Variants in SLC26A8 observed in about 807,000 individuals in gnomAD.
SLC26A8 encodes the protein solute carrier family 26 member 8, also known as testis anion transporter 1.
SLC26A8 carries 70 observed loss-of-function variants against 105.0 expected under a neutral mutation model. That is an observed-to-expected ratio of 0.67 (90% CI 0.55 to 0.81). The LOEUF is 0.81. SLC26A8 is among the 40% of genes least tolerant of loss of function. The pLI, the probability that SLC26A8 is intolerant of heterozygous loss-of-function variation, is 0.00. For missense variants in SLC26A8, 998 were observed against 1,181.8 expected, an observed-to-expected ratio of 0.84 and a Z score of 2.28; for synonymous variants, 415 against 438.3, an observed-to-expected ratio of 0.95 and a Z score of 0.66.
At chr6:35,990,270 G>A (rs976084890) in intron 7 of SLC26A8, 2 of 263,048 alleles carry the variant, frequency 7.6e-6, no homozygotes, top group South Asian at 8.5e-5. Context: ...AACCTGTACT[G>A]TTGGATACAT....
Position 35,991,746 on chromosome 6 carries a change from T to A in SLC26A8, c.855A>T (p.Leu285=). Residue 285 remains leucine (L), a synonymous_variant, in exon 7 of 20, where the codon CTA becomes CTT. Transcript: ENST00000490799. ...TGATTCGCAGAGCAACAACAACAGT[T>A]AGAAATACTAGAATGCTGGTGGAAT... The part of the protein sequence containing the change: ...KANSTSILVF[L]TVVVALRINK... 6.2e-7 allele frequency: 1 copy of A among 1,607,676 alleles called. No homozygotes were observed. Among genetic ancestry groups the A allele is most frequent in the Non-Finnish European group, 8.5e-7 (1 of 1,177,804 alleles).
chr6:35,979,901 A>G lies in SLC26A8; in HGVS notation c.1025+2220T>C, dbSNP rs142564413. On this transcript the variant is annotated intron_variant, in intron 8 of 19. Transcript: ENST00000490799. Reference sequence around the variant, plus strand: ...GCAACGCTTAAAATTAGACTTCTGAAATGCTCATTTGTCCATCTGTAACTT... The same window carrying G: ...GCAACGCTTAAAATTAGACTTCTGAGATGCTCATTTGTCCATCTGTAACTT... 1.5e-3 allele frequency among the ~76,000 whole-genome samples: 226 copies of G among 152,358 alleles called. 4 individuals are homozygous for G. The South Asian group carries it at 0.025, about 17-fold the overall frequency.
intron 5 of SLC26A8, among the ~76,000 whole-genome samples, chr6:35,994,577 C>CTTTT (rs35718010): frequency 1.5e-5 from 2 of 132,014 alleles, no homozygotes; most frequent in African/African-American, 2.9e-5. Context: ...TGCATCATCT[C>CTTTT]TTTTTTTTTT....
chr6:35,957,825 C>T (rs146016245), intron 16 of SLC26A8, among the ~76,000 whole-genome samples: 5 of 152,176 alleles, frequency 3.3e-5, no homozygotes, highest in East Asian at 1.9e-4. Context: ...AGGCTAGTTT[C>T]GAACTCCTGA....
rs148822218 is a variant in SLC26A8, at chr6:36,012,756, G to A, written c.189-384C>T. 7.6e-4 allele frequency among the ~76,000 whole-genome samples: 116 copies of A among 152,296 alleles called. 1 individual carries two copies. The highest frequency in any genetic ancestry group is 4.2e-3 in the East Asian group (22 of 5,188). On this transcript the variant is annotated intron_variant, in intron 2 of 19. Coordinates refer to ENST00000490799, the MANE Select transcript of SLC26A8 (RefSeq NM_052961.4). ...ACGTCCAGCATGTAATCAGTTCTGTGTTTTCACAGGATATTTGGGAAGAAT... is the reference window on the plus strand; with the variant it reads ...ACGTCCAGCATGTAATCAGTTCTGTATTTTCACAGGATATTTGGGAAGAAT...
At chr6:35,987,705 A>G (rs555903596) in intron 7 of SLC26A8, among the ~76,000 whole-genome samples, 2 of 151,890 alleles carry the variant, frequency 1.3e-5, no homozygotes, top group Non-Finnish European at 2.9e-5. Flanking sequence ...TGTCATCATC[A>G]CAGCAGGGGA....
chr6:35,993,195 G>A (rs976772772), intron 5 of SLC26A8, among the ~76,000 whole-genome samples: 1 of 111,702 alleles, frequency 9.0e-6, no homozygotes, highest in Non-Finnish European at 1.9e-5. Context: ...TTGGAGGGGG[G>A]GGTCTTGCTA....
chr6:36,015,379 G>A (rs1219005185), intron 2 of SLC26A8, among the ~76,000 whole-genome samples: 1 of 152,156 alleles, frequency 6.6e-6, no homozygotes, highest in Non-Finnish European at 1.5e-5. Context: ...CCAGAGTGCT[G>A]GGATTACAGG....
chr6:35,986,157 C>T (rs960031992), intron 7 of SLC26A8, among the ~76,000 whole-genome samples: 1 of 149,918 alleles, frequency 6.7e-6, no homozygotes, highest in African/African-American at 2.5e-5. Flanking sequence ...GCCTCAGTCT[C>T]CCATGTAGCT....
intron 8 of SLC26A8, 22 bp from the exon 9 acceptor site, chr6:35,977,373 A>G: frequency 6.2e-7 from 1 of 1,604,618 alleles, no homozygotes; most frequent in East Asian, 2.2e-5. Flanking sequence ...TAGTGGAATT[A>G]TTTCTGGATA....
At chr6:35,985,250 T>C (rs759537039) in intron 7 of SLC26A8, among the ~76,000 whole-genome samples, 2 of 151,988 alleles carry the variant, frequency 1.3e-5, no homozygotes, top group Non-Finnish European at 2.9e-5. Flanking sequence ...ACCCTGAACA[T>C]GTTGGTAGGA....
At chr6:36,009,181 G>A (rs1420234349) in intron 3 of SLC26A8, among the ~76,000 whole-genome samples, 1 of 152,118 alleles carries the variant, frequency 6.6e-6, no homozygotes, top group Non-Finnish European at 1.5e-5. Flanking sequence ...GTGAAACCCT[G>A]TCTCTACTAA....
intron 3 of SLC26A8, among the ~76,000 whole-genome samples, chr6:36,004,751 G>A (rs1761635353): frequency 6.6e-6 from 1 of 151,500 alleles, no homozygotes; most frequent in Non-Finnish European, 1.5e-5. Flanking sequence ...CCAGGCTCAA[G>A]TGATCCTTCC....
intron 8 of SLC26A8, among the ~76,000 whole-genome samples, chr6:35,978,879 G>C (rs1044952065): frequency 4.6e-4 from 67 of 144,100 alleles, no homozygotes; most frequent in African/African-American, 1.7e-3. Flanking sequence ...AGGTCTTGCT[G>C]TGTCACCCAG....
At chr6:35,951,407 G>T in intron 18 of SLC26A8, 38 bp downstream of exon 18, 1 of 1,613,998 alleles carries the variant, frequency 6.2e-7, no homozygotes, top group South Asian at 1.1e-5. Flanking sequence ...AGGACCCAGG[G>T]TGCAAAACAG....
chr6:35,959,100 A>C (rs1475531604), intron 16 of SLC26A8, among the ~76,000 whole-genome samples: 2 of 152,158 alleles, frequency 1.3e-5, no homozygotes, highest in Non-Finnish European at 2.9e-5. Flanking sequence ...ACAATCTTTA[A>C]GTCACTTATT....
intron 19 of SLC26A8, among the ~76,000 whole-genome samples, chr6:35,946,981 C>T (rs190000301): frequency 5.7e-4 from 87 of 152,110 alleles, no homozygotes; most frequent in African/African-American, 1.6e-3. Flanking sequence ...TGAGTTACTA[C>T]GGCTGGCTGA....
At chr6:35,952,224 C>G (rs1562016768) in intron 17 of SLC26A8, among the ~76,000 whole-genome samples, 1 of 152,124 alleles carries the variant, frequency 6.6e-6, no homozygotes, top group Admixed American at 6.6e-5. Context: ...ATGAGACCCC[C>G]ACTTCCCCCT....
chr6:35,989,927 CTTTTTTTTTTTTTTT>C (rs869306115), intron 7 of SLC26A8: 6 of 84,572 alleles, frequency 7.1e-5, no homozygotes, highest in African/African-American at 2.1e-4. Flanking sequence ...GTTTTCTTTT[CTTTTTTTTTTTTTTT>C]TTTTTTTTTT....
Sources: allele counts gnomAD v4.1 joint callset (sites outside exome capture counted in the v4.1 genomes callset), GRCh38; gene constraint gnomAD v4.1.1; transcripts MANE v1.5; gene names NCBI Gene and HGNC (gene_info 2026-07-23, HGNC 2026-07-21).